The following MAPKBP1 variants were observed in gnomAD, a reference collection of about 807,000 sequenced individuals.
MAPKBP1 encodes the protein mitogen-activated protein kinase-binding protein 1.
MAPKBP1 carries 71 observed loss-of-function variants against 170.5 expected under a neutral mutation model. The observed-to-expected ratio is 0.42, with a 90% CI of 0.34 to 0.51. The LOEUF (loss-of-function observed/expected upper bound fraction) is 0.51. MAPKBP1 is among the 20% of genes least tolerant of loss of function. MAPKBP1 has a pLI of 0.06. For missense variants in MAPKBP1, 1,598 were observed against 1,933.0 expected (o/e 0.83, Z 3.25); for synonymous variants, 719 against 757.9 (o/e 0.95, Z 0.84).
chr15:41,781,055 CT>C (rs1302908415), intron 2 of MAPKBP1, among the ~76,000 whole-genome samples: 5 of 133,184 alleles, frequency 3.8e-5, no homozygotes, highest in African/African-American at 5.3e-5. Context: ...GTTTGCAATG[CT>C]TTTTTTTTGC....
At chr15:41,813,128 G>C (rs2064832014) in intron 8 of MAPKBP1, 27 bp downstream of exon 8, 2 of 1,581,542 alleles carry the variant, frequency 1.3e-6, no homozygotes, top group Non-Finnish European at 1.7e-6. Flanking sequence ...CCAGGGGTAG[G>C]GTCTGCTCAT....
intron 3 of MAPKBP1, among the ~76,000 whole-genome samples, chr15:41,808,924 G>A (rs916151073): frequency 6.6e-6 from 1 of 151,754 alleles, no homozygotes; most frequent in Admixed American, 6.6e-5. Context: ...AAATTAACTG[G>A]GTATGGTGGC....
At chr15:41,782,816 TAAAA>T (rs201221807) in intron 2 of MAPKBP1, among the ~76,000 whole-genome samples, 2 of 149,338 alleles carry the variant, frequency 1.3e-5, no homozygotes, top group African/African-American at 4.9e-5. Context: ...GACAGTTCCT[TAAAA>T]AAAAAATACT....
chr15:41,812,486 C>T, intron 6 of MAPKBP1, 30 bp from the exon 7 acceptor site: 1 of 1,614,122 alleles, frequency 6.2e-7, no homozygotes. Context: ...AGAGACAGAG[C>T]CTTGATTCTT....
chr15:41,809,192 G>A (rs1372657866), intron 3 of MAPKBP1, among the ~76,000 whole-genome samples: 1 of 152,116 alleles, frequency 6.6e-6, no homozygotes, highest in Non-Finnish European at 1.5e-5. Context: ...AGACCAGCTT[G>A]GGCAACATAG....
chr15:41,782,092 C>CA (rs58449893), intron 2 of MAPKBP1, among the ~76,000 whole-genome samples: 5,991 of 111,156 alleles, frequency 0.054, 231 homozygotes, highest in African/African-American at 0.12. Flanking sequence ...ACTAAAAATA[C>CA]AAAAAAAAAA....
At chr15:41,824,601 G>A (rs968614123) in intron 30 of MAPKBP1, 32 bp downstream of exon 30, 8 of 1,553,068 alleles carry the variant, frequency 5.2e-6, no homozygotes, top group South Asian at 3.5e-5. Context: ...GCAGGAAGGC[G>A]GGCACGTCAG....
At chr15:41,800,663 A>C (rs1284114742) in intron 3 of MAPKBP1, among the ~76,000 whole-genome samples, 1 of 140,284 alleles carries the variant, frequency 7.1e-6, no homozygotes. Context: ...TTTCATTCCC[A>C]CCCCCACCTT....
chr15:41,796,611 C>T (rs958733067), intron 2 of MAPKBP1, among the ~76,000 whole-genome samples: 4 of 152,176 alleles, frequency 2.6e-5, no homozygotes, highest in Admixed American at 6.5e-5. Context: ...CTTTTCCCCC[C>T]CCTTGGATAG....
intron 21 of MAPKBP1, 47 bp from the exon 22 acceptor site, chr15:41,819,548 G>T (rs200452979): frequency 3.0e-6 from 3 of 993,370 alleles, no homozygotes; most frequent in Non-Finnish European, 4.0e-6. Flanking sequence ...GTTGGGTGGC[G>T]GGGGGGGGGC....
chr15:41,822,310 AGAG>A lies in MAPKBP1; in HGVS notation c.3122_3124del (p.Glu1041del), dbSNP rs1241885979. On this transcript the variant is annotated inframe_deletion, in exon 26 of 31. Transcript: ENST00000457542. ...CTGAGGGTGATGAAGAAGAGGAAGA[AGAG>A]GAGGGAGGCATGGGCCCCTATGGGC... 4.3e-6 allele frequency: 7 copies of A among 1,613,940 alleles called. No individual in the cohort carries two copies. The highest frequency in any genetic ancestry group is 5.9e-6 in the Non-Finnish European group (7 of 1,180,008).
rs1013759935 is a variant in MAPKBP1, at chr15:41,805,784, C to G, written c.207-5099C>G. 2.6e-5 allele frequency among the ~76,000 whole-genome samples: 4 copies of G among 152,292 alleles called. No homozygotes were observed. The South Asian group carries it at 8.3e-4, about 32-fold the overall frequency. ...CTTCTTACTTGCTGTAGGGTATTCG[C>G]CAGGGACAGTAGAGAGACCAGGTGG... On this transcript the variant is annotated intron_variant, in intron 3 of 30. Coordinates refer to ENST00000457542, the MANE Select transcript of MAPKBP1 (RefSeq NM_014994.3).
rs903017323 is a variant in MAPKBP1 at position 41,774,526 on chromosome 15, C to A, written c.-194C>A. On this transcript the variant is annotated 5_prime_UTR_variant, in exon 1 of 31. The change creates a new upstream start codon in the 5' untranslated region. Coordinates refer to ENST00000457542, the MANE Select transcript of MAPKBP1 (RefSeq NM_014994.3). ...ATAGCTCCTGCTGCTGCCTCTACCG[C>A]TGCGGCTACCGCGGCGGAGCTGAAA... is the stretch of plus-strand genomic sequence containing the variant. 5.0e-6 allele frequency: 2 copies of A among 398,500 alleles called. No homozygotes were observed. Among genetic ancestry groups the A allele is most frequent in the Non-Finnish European group, 8.8e-6 (2 of 226,060 alleles). 24.7% of individuals were successfully genotyped at this position (398,500 alleles called of 1,614,324 possible). A position where few individuals can be genotyped will look rare whatever the true frequency, so the allele number is the denominator to read the frequency against.
chr15:41,774,500 C>G lies in MAPKBP1; in HGVS notation c.-220C>G, dbSNP rs1478361223. 4 of 398,420 alleles carry G rather than the reference C, an allele frequency of 1.0e-5. No homozygotes were observed. Among genetic ancestry groups the G allele is most frequent in the Non-Finnish European group, 1.8e-5 (4 of 226,004 alleles). 24.7% of individuals were successfully genotyped at this position (398,420 alleles called of 1,614,324 possible). Reference sequence around the variant, plus strand: ...TCGCGTTTTGAGCCGATCGTGCCACCATAGCTCCTGCTGCTGCCTCTACCG... The same window carrying G: ...TCGCGTTTTGAGCCGATCGTGCCACGATAGCTCCTGCTGCTGCCTCTACCG... On this transcript the variant is annotated 5_prime_UTR_variant, in exon 1 of 31. Transcript: ENST00000457542.
chr15:41,800,891 G>A (rs1477263776), intron 3 of MAPKBP1, among the ~76,000 whole-genome samples: 1 of 152,026 alleles, frequency 6.6e-6, no homozygotes, highest in Non-Finnish European at 1.5e-5. Context: ...GTGCCACCAT[G>A]CCCAGCTAAT....
At chr15:41,822,532 G>A in intron 26 of MAPKBP1, 61 bp from the exon 27 acceptor site, 3 of 1,607,956 alleles carry the variant, frequency 1.9e-6, no homozygotes, top group Non-Finnish European at 1.7e-6. Context: ...TCTCAAGGAG[G>A]CAAAATCTGG....
At chr15:41,790,786 C>G (rs1348003815) in intron 2 of MAPKBP1, among the ~76,000 whole-genome samples, 2 of 152,156 alleles carry the variant, frequency 1.3e-5, no homozygotes, top group African/African-American at 4.8e-5. Context: ...CCATTGTGCC[C>G]CTGCCTACCT....
intron 1 of MAPKBP1, 42 bp downstream of exon 1, chr15:41,774,652 G>A: frequency 2.5e-6 from 1 of 398,748 alleles, no homozygotes; most frequent in East Asian, 3.6e-5. Flanking sequence ...AGTAGCAGGG[G>A]CCTCAGAGGC....
chr15:41,825,290 G>GC lies in MAPKBP1; in HGVS notation c.4381_4382insC (p.Glu1461AlafsTer149). 2 of 1,612,746 alleles carry GC rather than the reference G, an allele frequency of 1.2e-6. No individual in the cohort carries two copies. Among genetic ancestry groups the GC allele is most frequent in the Non-Finnish European group, 1.7e-6 (2 of 1,179,202 alleles). On this transcript the variant is annotated frameshift_variant, in exon 31 of 31. Transcript: ENST00000457542. LOFTEE classifies it high-confidence loss of function. ...AGACACCTTCTCTTCAGTGCGACAG[G>GC]AGCTGGAAGCTGTGGCTGGGGCAGT...
Sources: allele counts gnomAD v4.1 joint callset (sites outside exome capture counted in the v4.1 genomes callset), GRCh38; gene constraint gnomAD v4.1.1; transcripts MANE v1.5; gene names NCBI Gene and HGNC (gene_info 2026-07-23, HGNC 2026-07-21).